The following TAF3 variants were observed in gnomAD, a reference collection of about 807,000 sequenced individuals.
The protein encoded by TAF3 is transcription initiation factor TFIID subunit 3.
In TAF3, 7 loss-of-function variants were observed where a neutral mutation model predicts 80.6. The observed-to-expected ratio is 0.09, with a 90% CI of 0.05 to 0.16. The LOEUF (loss-of-function observed/expected upper bound fraction) is 0.16. Ranked by LOEUF, TAF3 falls within the 10% of genes least tolerant of loss-of-function variation. The pLI is 1.00. For missense variants in TAF3, 921 were observed against 1,140.2 expected (o/e 0.81, Z 2.77); for synonymous variants, 444 against 446.1 (o/e 1.00, Z 0.06).
chr10:7,864,690 A>G (rs78326363), intron 2 of TAF3, among the ~76,000 whole-genome samples: 15,999 of 152,056 alleles, frequency 0.11, 980 homozygotes, highest in South Asian at 0.2. Flanking sequence ...TTCTTTACCT[A>G]TCCTGGTCAT....
rs200464075 is a variant in TAF3 at position 8,009,438 on chromosome 10, A to G, written c.2568+108A>G. On this transcript the variant is annotated intron_variant, in intron 5 of 6. Coordinates refer to ENST00000344293, the MANE Select transcript of TAF3 (RefSeq NM_031923.4). The surrounding 1 kb of genome is among the most constrained non-coding windows in gnomAD (Gnocchi z 4.1). ...CAGACGCATTTCTCTTCAAAATTTT[A>G]TTATTTACTTAATTATTTTTGAGAC... The G allele has an allele frequency of 3.2e-5, 44 of 1,380,588 alleles. No homozygotes were observed. The East Asian group carries it at 1.5e-3, about 47-fold the overall frequency. 85.5% of individuals were successfully genotyped at this position (1,380,588 alleles called of 1,614,324 possible).
At chr10:7,833,314 A>G (rs986823830) in intron 2 of TAF3, among the ~76,000 whole-genome samples, 2 of 152,190 alleles carry the variant, frequency 1.3e-5, no homozygotes, top group African/African-American at 4.8e-5. Context: ...CTAAATTCCC[A>G]CCAACAGTGT....
chr10:7,957,000 G>T (rs1838142395), intron 2 of TAF3, among the ~76,000 whole-genome samples: 1 of 151,918 alleles, frequency 6.6e-6, no homozygotes, highest in Non-Finnish European at 1.5e-5. Context: ...TAATTTATGG[G>T]ATTCTTTGAT....
chr10:7,896,249 C>G (rs1837503212), intron 2 of TAF3, among the ~76,000 whole-genome samples: 1 of 152,142 alleles, frequency 6.6e-6, no homozygotes, highest in African/African-American at 2.4e-5. Context: ...TTCTTTTTCT[C>G]AGATCTTTAC....
At chr10:7,859,133 C>T (rs1017296012) in intron 2 of TAF3, among the ~76,000 whole-genome samples, 1 of 151,982 alleles carries the variant, frequency 6.6e-6, no homozygotes, top group Non-Finnish European at 1.5e-5. Context: ...GTGTGGTGGG[C>T]ACCTGTAGTC....
At chr10:7,877,923 G>C (rs995624447) in intron 2 of TAF3, among the ~76,000 whole-genome samples, 3 of 152,136 alleles carry the variant, frequency 2.0e-5, no homozygotes, top group East Asian at 1.9e-4. Context: ...CGGCAATTCA[G>C]ATCTCAAATA....
intron 2 of TAF3, among the ~76,000 whole-genome samples, chr10:7,842,431 A>T (rs1836928442): frequency 6.6e-6 from 1 of 152,120 alleles, no homozygotes; most frequent in Admixed American, 6.5e-5. Flanking sequence ...AAGTGCTGGG[A>T]TTACAGGTGT....
intron 2 of TAF3, among the ~76,000 whole-genome samples, chr10:7,826,011 G>C (rs549112287): frequency 6.6e-6 from 1 of 152,300 alleles, no homozygotes; most frequent in South Asian, 2.1e-4. Flanking sequence ...CTTAGAATCG[G>C]TTCTACTTTA....
At chr10:7,874,595 T>G (rs1837297304) in intron 2 of TAF3, among the ~76,000 whole-genome samples, 1 of 152,006 alleles carries the variant, frequency 6.6e-6, no homozygotes, top group Non-Finnish European at 1.5e-5. Flanking sequence ...ATCCTAAACA[T>G]TTTCATGATT....
intron 4 of TAF3, among the ~76,000 whole-genome samples, chr10:7,991,404 A>G (rs919790195): frequency 1.3e-5 from 2 of 148,844 alleles, no homozygotes; most frequent in African/African-American, 2.4e-5. Context: ...GTATGGAAAA[A>G]CACATTATTT....
At chr10:7,873,916 G>GT (rs1272888881) in intron 2 of TAF3, among the ~76,000 whole-genome samples, 5 of 152,200 alleles carry the variant, frequency 3.3e-5, no homozygotes, top group African/African-American at 1.2e-4. Context: ...TAGGTTCCCT[G>GT]TATCATCTTG....
intron 2 of TAF3, among the ~76,000 whole-genome samples, chr10:7,873,408 T>C (rs1837284720): frequency 6.6e-6 from 1 of 152,168 alleles, no homozygotes; most frequent in Admixed American, 6.5e-5. Context: ...ACTTTGACAA[T>C]AAAAATGTAG....
intron 2 of TAF3, among the ~76,000 whole-genome samples, chr10:7,843,810 A>T (rs750596813): frequency 2.0e-5 from 3 of 152,090 alleles, no homozygotes; most frequent in Non-Finnish European, 2.9e-5. Context: ...ACTACATATT[A>T]TGTAGTGAAA....
intron 2 of TAF3, among the ~76,000 whole-genome samples, chr10:7,910,446 T>C (rs954511125): frequency 6.6e-6 from 1 of 152,170 alleles, no homozygotes; most frequent in African/African-American, 2.4e-5. Context: ...AGTGGTGCAA[T>C]CTCAGCTCAC....
Position 7,876,084 on chromosome 10 carries a change from G to C in TAF3, c.409+51524G>C, listed in dbSNP as rs74687101. On this transcript the variant is annotated intron_variant, in intron 2 of 6. Coordinates refer to ENST00000344293, the MANE Select transcript of TAF3 (RefSeq NM_031923.4). Reference sequence around the variant, plus strand: ...CTCCTTTTTACTTATAATTTATCTTGTCTGTATAATAAAGGGAGACGCTTA... The same window carrying C: ...CTCCTTTTTACTTATAATTTATCTTCTCTGTATAATAAAGGGAGACGCTTA... 2.8e-3 allele frequency among the ~76,000 whole-genome samples: 419 copies of C among 151,408 alleles called. 1 individual carries two copies. The highest frequency in any genetic ancestry group is 9.5e-3 in the African/African-American group (394 of 41,298).
chr10:7,832,484 G>A (rs1836811158), intron 2 of TAF3, among the ~76,000 whole-genome samples: 1 of 152,136 alleles, frequency 6.6e-6, no homozygotes, highest in East Asian at 1.9e-4. Flanking sequence ...ACCACAATGT[G>A]TAGTAATTAC....
chr10:7,867,895 C>T (rs1238176847), intron 2 of TAF3, among the ~76,000 whole-genome samples: 1 of 152,008 alleles, frequency 6.6e-6, no homozygotes, highest in Non-Finnish European at 1.5e-5. Flanking sequence ...TCGATTAACA[C>T]GTATTTCGTA....
chr10:7,859,553 C>A (rs942540734), intron 2 of TAF3, among the ~76,000 whole-genome samples: 1 of 152,162 alleles, frequency 6.6e-6, no homozygotes, highest in African/African-American at 2.4e-5. Context: ...TTCACCTCCT[C>A]CATTCCTACC....
intron 1 of TAF3, 79 bp from the exon 2 acceptor site, chr10:7,824,239 T>TA (rs1462148142): frequency 2.0e-6 from 3 of 1,482,428 alleles, no homozygotes; most frequent in East Asian, 2.3e-5. Context: ...CATATTTACT[T>TA]ACTACTTTTT....
Sources: allele counts gnomAD v4.1 joint callset (sites outside exome capture counted in the v4.1 genomes callset), GRCh38; gene constraint gnomAD v4.1.1; non-coding constraint Gnocchi (gnomAD v3.1); transcripts MANE v1.5; gene names NCBI Gene and HGNC (gene_info 2026-07-23, HGNC 2026-07-21).